GRM7: variants seen among roughly 807,000 people sequenced by gnomAD.
The protein encoded by GRM7 is metabotropic glutamate receptor 7.
In GRM7, 35 loss-of-function variants were observed where a neutral mutation model predicts 84.5. The ratio of observed to expected loss-of-function variants is 0.41; its 90% CI spans 0.32 to 0.55. GRM7 has a LOEUF of 0.55. Among genes scored for constraint, GRM7 ranks in the 20% least tolerant of loss-of-function variants. The probability of loss-of-function intolerance (pLI) is 0.19; values close to 1 mark genes in which losing one functional copy is unlikely to be tolerated. For missense variants in GRM7, 1,003 were observed against 1,194.6 expected, an observed-to-expected ratio of 0.84 and a Z score of 2.36; for synonymous variants, 487 against 455.1, an observed-to-expected ratio of 1.07 and a Z score of -0.89.
At chr3:7,689,942 A>G (rs527611255) in intron 9 of GRM7, among the ~76,000 whole-genome samples, 1 of 152,294 alleles carries the variant, frequency 6.6e-6, no homozygotes, top group Admixed American at 6.5e-5. Context: ...CTCAAAGGTG[A>G]CAAGGGCTCT....
intron 2 of GRM7, among the ~76,000 whole-genome samples, chr3:7,241,283 A>G (rs897908676): frequency 5.5e-4 from 83 of 152,288 alleles, no homozygotes; most frequent in African/African-American, 1.7e-3. Context: ...TATATGGACT[A>G]CAAACATCTG....
At chr3:6,901,604 T>TAAA (rs33945077) in intron 1 of GRM7, among the ~76,000 whole-genome samples, 1,379 of 40,368 alleles carry the variant, frequency 0.034, 143 homozygotes, top group East Asian at 0.12. Flanking sequence ...AGACTCCGTC[T>TAAA]AAAAAAAAAA....
In GRM7 at chr3:7,463,968, A is replaced by G. The variant is rs141882941; in HGVS notation, c.1515+2246A>G. On this transcript the variant is annotated intron_variant, in intron 7 of 9. Transcript: ENST00000357716. ...ATGGAGGGGGCAAAAGTAGCAGCAG[A>G]AAGACCAATTATGATTCTTTTGCAG... Among the ~76,000 whole-genome samples the G allele has an allele frequency of 6.8e-3, 1,033 of 152,260 alleles. 9 individuals carry two copies. Among genetic ancestry groups the G allele is most frequent in the Non-Finnish European group, 0.011 (745 of 68,006 alleles).
At chr3:6,912,824 A>G (rs1271546322) in intron 1 of GRM7, among the ~76,000 whole-genome samples, 1 of 152,194 alleles carries the variant, frequency 6.6e-6, no homozygotes, top group African/African-American at 2.4e-5. Flanking sequence ...ATAAATTGTG[A>G]TTTGAAATTT....
intron 8 of GRM7, among the ~76,000 whole-genome samples, chr3:7,656,056 A>C (rs544378990): frequency 3.3e-5 from 5 of 152,296 alleles, no homozygotes; most frequent in African/African-American, 1.2e-4. Flanking sequence ...TGCATCTGGC[A>C]CTGTGCTTGG....
intron 1 of GRM7, among the ~76,000 whole-genome samples, chr3:7,121,517 T>C (rs923722540): frequency 2.6e-5 from 4 of 152,214 alleles, no homozygotes; most frequent in African/African-American, 9.7e-5. Context: ...CATTCTAATG[T>C]ATTCAAGAAC....
intron 1 of GRM7, among the ~76,000 whole-genome samples, chr3:6,870,521 A>G (rs1695088276): frequency 6.6e-6 from 1 of 152,136 alleles, no homozygotes; most frequent in Non-Finnish European, 1.5e-5. Flanking sequence ...GCATTTTGTC[A>G]TTTACTCTAA....
chr3:7,218,734 T>C (rs1479982630), intron 2 of GRM7, among the ~76,000 whole-genome samples: 2 of 152,094 alleles, frequency 1.3e-5, no homozygotes, highest in Non-Finnish European at 2.9e-5. Context: ...ATCTCTACAT[T>C]TCTATTTCAT....
chr3:7,495,278 C>T (rs1284361283), intron 7 of GRM7, among the ~76,000 whole-genome samples: 3 of 152,130 alleles, frequency 2.0e-5, no homozygotes, highest in Non-Finnish European at 2.9e-5. Flanking sequence ...GGTCAGCCTG[C>T]TTGGTGGAGG....
chr3:7,291,663 G>C (rs762589916), intron 2 of GRM7, among the ~76,000 whole-genome samples: 2 of 152,152 alleles, frequency 1.3e-5, no homozygotes, highest in South Asian at 4.1e-4. Context: ...TACTTGAAAA[G>C]AGGCTGGGAG....
chr3:7,103,821 TCTCTCTCTGTCTCTCTCTCCC>T (rs1699204745), intron 1 of GRM7, among the ~76,000 whole-genome samples: 1 of 131,616 alleles, frequency 7.6e-6, no homozygotes, highest in African/African-American at 3.6e-5. Flanking sequence ...TTTCTTTCTC[TCTCTCTCTGTCTCTCTCTCCC>T]TCTCTCTCTC....
intron 2 of GRM7, among the ~76,000 whole-genome samples, chr3:7,281,597 G>C (rs1359450747): frequency 1.3e-5 from 2 of 152,046 alleles, no homozygotes; most frequent in Admixed American, 6.6e-5. Context: ...TAAGAAAGCA[G>C]ATTTTTTTTT....
At chr3:6,954,475 T>C (rs940016942) in intron 1 of GRM7, among the ~76,000 whole-genome samples, 1 of 152,184 alleles carries the variant, frequency 6.6e-6, no homozygotes, top group African/African-American at 2.4e-5. Flanking sequence ...CCTTCTGACA[T>C]ATCCCTAAAA....
intron 4 of GRM7, among the ~76,000 whole-genome samples, chr3:7,324,321 G>T (rs372178053): frequency 1.5e-4 from 23 of 152,252 alleles, no homozygotes; most frequent in African/African-American, 5.3e-4. Context: ...GGAAGAAGTG[G>T]AGGAATCACT....
chr3:7,488,867 T>TTA (rs956265282), intron 7 of GRM7, among the ~76,000 whole-genome samples: 2 of 147,808 alleles, frequency 1.4e-5, no homozygotes, highest in African/African-American at 2.6e-5. Context: ...TCTTATTTAT[T>TTA]TATTTATTTA....
rs115115576 is a variant in GRM7 at position 7,592,962 on chromosome 3, C to T, written c.2451+13605C>T. Among the ~76,000 whole-genome samples the T allele has an allele frequency of 5.5e-3, 838 of 152,236 alleles. 5 individuals carry two copies. The highest frequency in any genetic ancestry group is 0.016 in the African/African-American group (685 of 41,550). Reference sequence around the variant, plus strand: ...GGAACAGTTTAAACCTTAGAAGACCCGAGTGGACTGGTAACCTCTTCCATG... The same window carrying T: ...GGAACAGTTTAAACCTTAGAAGACCTGAGTGGACTGGTAACCTCTTCCATG... On this transcript the variant is annotated intron_variant, in intron 8 of 9. Coordinates refer to ENST00000357716, the MANE Select transcript of GRM7 (RefSeq NM_000844.4).
intron 1 of GRM7, among the ~76,000 whole-genome samples, chr3:7,079,482 C>G (rs1349526850): frequency 6.6e-6 from 1 of 152,048 alleles, no homozygotes; most frequent in Non-Finnish European, 1.5e-5. Flanking sequence ...AAATGGAGAA[C>G]TGTACAAATG....
At chr3:7,300,451 C>G (rs189124571) in intron 3 of GRM7, among the ~76,000 whole-genome samples, 1 of 152,178 alleles carries the variant, frequency 6.6e-6, no homozygotes, top group African/African-American at 2.4e-5. Flanking sequence ...CACTGTCTGA[C>G]CTTGGGCAAG....
chr3:7,468,290 C>T (rs755101116), intron 7 of GRM7, among the ~76,000 whole-genome samples: 1 of 152,062 alleles, frequency 6.6e-6, no homozygotes, highest in African/African-American at 2.4e-5. Flanking sequence ...TTTGTGGAAC[C>T]ACCTTTCTGC....
Sources: gnomAD v4.1 joint callset for allele counts (sites outside exome capture counted in the v4.1 genomes callset) on GRCh38, gnomAD v4.1.1 for gene constraint, MANE v1.5 for transcripts, NCBI Gene and HGNC (gene_info 2026-07-23, HGNC 2026-07-21) for gene names.